Variants in BTN3A2 observed in about 807,000 individuals in gnomAD.
BTN3A2 encodes butyrophilin subfamily 3 member A2, also known as butyrophilin protein.
In BTN3A2, 25 loss-of-function variants were observed where a neutral mutation model predicts 37.6. The observed-to-expected ratio is 0.66, with a 90% confidence interval of 0.48 to 0.93. The LOEUF (loss-of-function observed/expected upper bound fraction) is 0.93. Ranked by LOEUF, BTN3A2 falls within the 40% of genes least tolerant of loss-of-function variation. The pLI is 0.00. For missense variants in BTN3A2, 266 were observed against 410.9 expected, an observed-to-expected ratio of 0.65 and a Z score of 3.05; for synonymous variants, 122 against 159.4, an observed-to-expected ratio of 0.77 and a Z score of 1.77.
At chr6:26,372,864 A>G (rs1760252895) in intron 5 of BTN3A2, 33 bp from the exon 6 acceptor site, 3 of 1,611,722 alleles carry the variant, frequency 1.9e-6, no homozygotes, top group African/African-American at 1.3e-5. Flanking sequence ...TGAGCGCACC[A>G]GCGCCCATGA....
At chr6:26,370,174 T>G in intron 4 of BTN3A2, 148 bp from the exon 5 acceptor site, 1 of 1,101,692 alleles carries the variant, frequency 9.1e-7, no homozygotes, top group Non-Finnish European at 1.3e-6. Context: ...CAAATTTAGT[T>G]TTCCCCTCAT....
chr6:26,376,430 G>A lies in BTN3A2; in HGVS notation c.*668G>A, dbSNP rs1760719465. On this transcript the variant is annotated 3_prime_UTR_variant, in exon 11 of 11. Coordinates refer to ENST00000377708, the MANE Select transcript of BTN3A2 (RefSeq NM_007047.5). ...CCCTGGGGCTTTCACCAATGACATT[G>A]ATGAGAGAATCACATTCAGGGCAGG... is the stretch of plus-strand genomic sequence containing the variant. The A allele has an allele frequency of 1.5e-6, 1 of 658,244 alleles. No homozygotes were observed. Among genetic ancestry groups the A allele is most frequent in the Admixed American group, 3.8e-5 (1 of 26,510 alleles). The allele number at this position is 658,244 out of a possible 1,614,324, so 40.8% of individuals were successfully genotyped here.
At chr6:26,375,562 C>T (rs1760637396) in intron 10 of BTN3A2, 2 of 1,395,162 alleles carry the variant, frequency 1.4e-6, no homozygotes, top group Non-Finnish European at 2.0e-6. Context: ...ACAAGGGAGC[C>T]CAGTGGCACT....
rs1016851052 is a variant in BTN3A2, at chr6:26,374,492, G to T, written c.*6+119G>T. The T allele has an allele frequency of 6.2e-6, 7 of 1,131,514 alleles. No individual in the cohort carries two copies. In the East Asian group the frequency reaches 9.9e-5, roughly 16 times the overall value. 70.1% of individuals were successfully genotyped at this position (1,131,514 alleles called of 1,614,324 possible). On this transcript the variant is annotated intron_variant, in intron 9 of 10. Coordinates refer to ENST00000377708, the MANE Select transcript of BTN3A2 (RefSeq NM_007047.5). ...AAGACTCAATTTCTGTGTGGTGGGG[G>T]TTCACCTCCGCTTTTCTGGAGCCTC...
intron 4 of BTN3A2, among the ~76,000 whole-genome samples, chr6:26,369,846 A>T (rs1759920690): frequency 6.6e-6 from 1 of 152,132 alleles, no homozygotes; most frequent in Admixed American, 6.5e-5. Flanking sequence ...ATATGTTGGG[A>T]CAGCTTTTCT....
Position 26,370,396 on chromosome 6 carries a change from G to A in BTN3A2, c.508G>A (p.Gly170Ser), listed in dbSNP as rs533719945. Residue 170 changes from glycine to serine, a missense_variant, in exon 5 of 11, where the codon GGC becomes AGC. Physicochemically the swap from Gly to Ser is moderately conservative, Grantham distance 56. Transcript: ENST00000377708. Reference sequence around the variant, plus strand: ...GATCCATCTGGAGTGCAGGTCCACCGGCTGGTACCCCCAACCCCAAATACA... The same window carrying A: ...GATCCATCTGGAGTGCAGGTCCACCAGCTGGTACCCCCAACCCCAAATACA... ...GGIHLECRSTGWYPQPQIQWS... is the reference protein window; with the variant it reads ...GGIHLECRSTSWYPQPQIQWS... 1.1e-4 allele frequency: 179 copies of A among 1,614,042 alleles called. No individual in the cohort carries two copies. Among genetic ancestry groups the A allele is most frequent in the Non-Finnish European group, 1.4e-4 (161 of 1,180,030 alleles).
In BTN3A2 at chr6:26,370,430, A is replaced by G; in HGVS notation, c.542A>G (p.Asn181Ser). ...CCCCAACCCCAAATACAGTGGAGCA[A>G]CGCCAAGGGAGAGAACATCCCAGCT... ...WYPQPQIQWSNAKGENIPAVE... is the reference protein window; with the variant it reads ...WYPQPQIQWSSAKGENIPAVE... The change falls in exon 5 of 11, where the codon AAC (asparagine) becomes AGC (serine). Residue 181 changes from asparagine (N) to serine (S), a missense_variant. This residue lies in a region of BTN3A2 where 204 missense variants were observed against 232.6 expected (regional missense o/e 0.88). Transcript: ENST00000377708. 6.2e-7 allele frequency: 1 copy of G among 1,614,148 alleles called. No individual in the cohort carries two copies.
intron 10 of BTN3A2, chr6:26,375,414 C>A: frequency 2.2e-6 from 1 of 452,938 alleles, no homozygotes; most frequent in Non-Finnish European, 4.0e-6. Flanking sequence ...GAGAAGAGTC[C>A]TCGGGCCTTG....
In BTN3A2 at chr6:26,376,640, A is replaced by G. The variant is rs9393716; in HGVS notation, c.*878A>G. The G allele has an allele frequency of 0.18, 266,076 of 1,468,188 alleles. 26,894 individuals carry two copies. Among genetic ancestry groups the G allele is most frequent in the Non-Finnish European group, 0.21 (218,014 of 1,051,158 alleles). 90.9% of individuals were successfully genotyped at this position (1,468,188 alleles called of 1,614,324 possible). ...TTGTTTCTGAGGACCAGAGGAGTGT[A>G]CAGCGTGCTGAGGAGCCCCATGACC... is the stretch of plus-strand genomic sequence containing the variant. On this transcript the variant is annotated 3_prime_UTR_variant, in exon 11 of 11. Transcript: ENST00000377708.
rs931476815 is a variant in BTN3A2, at chr6:26,366,153, G to A, written c.-67+801G>A. On this transcript the variant is annotated intron_variant, in intron 1 of 10. Transcript: ENST00000377708. ...CTGTGAGCCTACTCTGACTCAGAAA[G>A]CCGCTCCTAAAGAAGAAAAAAGAAC... 2.0e-5 allele frequency among the ~76,000 whole-genome samples: 3 copies of A among 152,146 alleles called. No individual in the cohort carries two copies. In the East Asian group the frequency reaches 5.8e-4, roughly 29 times the overall value.
rs551460023 is a variant in BTN3A2 at position 26,372,391 on chromosome 6, A to G, written c.716-506A>G. Among the ~76,000 whole-genome samples the G allele has an allele frequency of 2.1e-4, 32 of 152,308 alleles. 1 individual carries two copies. In the South Asian group the frequency reaches 5.8e-3, roughly 28 times the overall value. On this transcript the variant is annotated intron_variant, in intron 5 of 10. Coordinates refer to ENST00000377708, the MANE Select transcript of BTN3A2 (RefSeq NM_007047.5). ...TACCCTCATTTTACATTAGTAGATT[A>G]GGCCACTACAAACAGAGAGGTTATG...
rs1323997944 is a variant in BTN3A2 at position 26,376,855 on chromosome 6, T to C, written c.*1093T>C. On this transcript the variant is annotated 3_prime_UTR_variant, in exon 11 of 11. Transcript: ENST00000377708. The stretch of plus-strand genomic sequence containing the variant: ...ACACCGGAGAACGGATACTGGACTA[T>C]GGGCCTGACTGATGGGAATAAGTAT... 5 of 1,613,904 alleles carry C rather than the reference T, an allele frequency of 3.1e-6. No individual in the cohort carries two copies. The African/African-American group carries it at 6.7e-5, about 22-fold the overall frequency.
rs1382708722 is a variant in BTN3A2 at position 26,377,335 on chromosome 6, G to C, written c.*1573G>C. Reference sequence around the variant, plus strand: ...ATTCATTCAATTATTCCATAGGACAGTTGTTTGAGTTTGGTGCCACCTTAT... The same window carrying C: ...ATTCATTCAATTATTCCATAGGACACTTGTTTGAGTTTGGTGCCACCTTAT... On this transcript the variant is annotated 3_prime_UTR_variant, in exon 11 of 11. Transcript: ENST00000377708. 1 of 648,616 alleles carries C rather than the reference G, an allele frequency of 1.5e-6. No homozygotes were observed. Among genetic ancestry groups the C allele is most frequent in the Non-Finnish European group, 2.8e-6 (1 of 362,556 alleles). The allele number at this position is 648,616 out of a possible 1,614,324, so 40.2% of individuals were successfully genotyped here.
chr6:26,372,634 G>GA (rs1363178359), intron 5 of BTN3A2: 18 of 440,808 alleles, frequency 4.1e-5, no homozygotes, highest in African/African-American at 3.3e-4. Flanking sequence ...AAAATATTTA[G>GA]AAAAAATGTG....
chr6:26,372,740 T>C, intron 5 of BTN3A2, 157 bp from the exon 6 acceptor site: 1 of 825,768 alleles, frequency 1.2e-6, no homozygotes, highest in Non-Finnish European at 1.9e-6. Flanking sequence ...AAGTCTTATC[T>C]ATAGTCCTCT....
In BTN3A2 at chr6:26,368,160, G is replaced by A. The variant is rs765845596; in HGVS notation, c.-5-18G>A. 2 of 1,612,928 alleles carry A rather than the reference G, an allele frequency of 1.2e-6. No individual in the cohort carries two copies. Among genetic ancestry groups the A allele is most frequent in the Non-Finnish European group, 1.7e-6 (2 of 1,178,994 alleles). ...CATAGTGTCTGTCCCACACCTTCTG[G>A]TATCTCTTGATATGCAGCATAGATG... is the stretch of plus-strand genomic sequence containing the variant. On this transcript the variant is annotated intron_variant, in intron 2 of 10. Transcript: ENST00000377708.
chr6:26,369,303 G>A (rs1759856462), intron 4 of BTN3A2, among the ~76,000 whole-genome samples: 2 of 152,180 alleles, frequency 1.3e-5, no homozygotes, highest in South Asian at 4.1e-4. Flanking sequence ...AATAGTGACT[G>A]TATCTGCTGC....
chr6:26,375,900 G>A lies in BTN3A2; in HGVS notation c.*138G>A. The A allele has an allele frequency of 6.6e-7, 1 of 1,525,628 alleles. No homozygotes were observed. Among genetic ancestry groups the A allele is most frequent in the Non-Finnish European group, 8.9e-7 (1 of 1,124,802 alleles). 94.5% of individuals were successfully genotyped at this position (1,525,628 alleles called of 1,614,324 possible). On this transcript the variant is annotated 3_prime_UTR_variant, in exon 11 of 11. Coordinates refer to ENST00000377708, the MANE Select transcript of BTN3A2 (RefSeq NM_007047.5). ...ACTCATTTAGCTCACGAGTGGTCGAGTGAAGATTGAAAATTAACCTCTGAG... is the reference window on the plus strand; with the variant it reads ...ACTCATTTAGCTCACGAGTGGTCGAATGAAGATTGAAAATTAACCTCTGAG...
At chr6:26,367,502 G>A (rs980259434) in intron 1 of BTN3A2, among the ~76,000 whole-genome samples, 1 of 152,164 alleles carries the variant, frequency 6.6e-6, no homozygotes, top group African/African-American at 2.4e-5. Flanking sequence ...TTTACCTATT[G>A]TCTACCCTCT....
Sources: allele counts gnomAD v4.1 joint callset (sites outside exome capture counted in the v4.1 genomes callset), GRCh38; gene constraint gnomAD v4.1.1; regional missense constraint gnomAD v4.1.1; transcripts MANE v1.5; gene names NCBI Gene and HGNC (gene_info 2026-07-23, HGNC 2026-07-21).